Variants in SPATS2 observed in about 807,000 individuals in gnomAD.
SPATS2 encodes the protein spermatogenesis-associated serine-rich protein 2.
In SPATS2, 38 loss-of-function variants were observed where a neutral mutation model predicts 63.7. The observed-to-expected ratio is 0.60, with a 90% CI of 0.46 to 0.78. SPATS2 has a LOEUF of 0.78. SPATS2 is among the 30% of genes least tolerant of loss of function. The pLI is 0.00. For missense variants in SPATS2, 588 were observed against 666.2 expected, an observed-to-expected ratio of 0.88 and a Z score of 1.29; for synonymous variants, 207 against 232.9, an observed-to-expected ratio of 0.89 and a Z score of 1.01.
intron 3 of SPATS2, chr12:49,462,501 C>G: frequency 1.4e-6 from 1 of 697,806 alleles, no homozygotes; most frequent in Admixed American, 2.0e-5. Context: ...CCTTTCCCCC[C>G]GTGTGTGGGG....
intron 7 of SPATS2, among the ~76,000 whole-genome samples, chr12:49,495,721 C>G (rs1946454417): frequency 6.6e-6 from 1 of 152,088 alleles, no homozygotes; most frequent in Admixed American, 6.6e-5. Context: ...CAGAGAAATA[C>G]CTCAGTATTT....
chr12:49,418,320 A>G (rs1372258715), intron 2 of SPATS2, among the ~76,000 whole-genome samples: 1 of 151,286 alleles, frequency 6.6e-6, no homozygotes, highest in Non-Finnish European at 1.5e-5. Context: ...TTTTTTTGAG[A>G]CAGAGTTCTG....
At chr12:49,469,924 T>C (rs999838097) in intron 3 of SPATS2, among the ~76,000 whole-genome samples, 3 of 151,836 alleles carry the variant, frequency 2.0e-5, no homozygotes, top group Admixed American at 6.6e-5. Context: ...AACTCAACAC[T>C]CTCTCCCTGA....
chr12:49,476,522 C>G (rs1294583416), intron 3 of SPATS2, among the ~76,000 whole-genome samples: 2 of 152,208 alleles, frequency 1.3e-5, no homozygotes, highest in Non-Finnish European at 2.9e-5. Flanking sequence ...ACAACACAAG[C>G]TGCCTATGGA....
chr12:49,399,155 CT>C (rs148455902), intron 2 of SPATS2, among the ~76,000 whole-genome samples: 338 of 148,732 alleles, frequency 2.3e-3, no homozygotes, highest in Non-Finnish European at 3.9e-3. Context: ...GCATATAATT[CT>C]TTTTTTTTTC....
intron 2 of SPATS2, among the ~76,000 whole-genome samples, chr12:49,451,261 G>A (rs1285285091): frequency 6.6e-6 from 1 of 151,828 alleles, no homozygotes; most frequent in African/African-American, 2.4e-5. Flanking sequence ...GTTTTTTTAA[G>A]CGTATGATTA....
At chr12:49,424,208 A>G (rs1945032873) in intron 2 of SPATS2, among the ~76,000 whole-genome samples, 2 of 152,032 alleles carry the variant, frequency 1.3e-5, no homozygotes, top group South Asian at 4.2e-4. Context: ...GTCTCAAAAC[A>G]AACAAACAAA....
At chr12:49,445,927 C>G (rs1945502576) in intron 2 of SPATS2, among the ~76,000 whole-genome samples, 2 of 152,034 alleles carry the variant, frequency 1.3e-5, no homozygotes, top group South Asian at 4.1e-4. Flanking sequence ...TTTTTTGAGA[C>G]AGAGTCGCAC....
intron 2 of SPATS2, among the ~76,000 whole-genome samples, chr12:49,435,616 G>A (rs1331243252): frequency 2.7e-5 from 4 of 149,682 alleles, no homozygotes; most frequent in Non-Finnish European, 5.9e-5. Context: ...GTGAGCCACC[G>A]TGCCCGGCTA....
At chr12:49,400,004 C>T (rs1944577869) in intron 2 of SPATS2, among the ~76,000 whole-genome samples, 1 of 152,152 alleles carries the variant, frequency 6.6e-6, no homozygotes, top group African/African-American at 2.4e-5. Flanking sequence ...CCACTGCACT[C>T]CAGCCTGGGC....
At chr12:49,490,661 T>A in intron 5 of SPATS2, 21 bp from the exon 6 acceptor site, 1 of 1,613,324 alleles carries the variant, frequency 6.2e-7, no homozygotes, top group East Asian at 2.2e-5. Flanking sequence ...AGACAAAATC[T>A]GTAATTGGTT....
intron 2 of SPATS2, among the ~76,000 whole-genome samples, chr12:49,421,573 C>G (rs1200483245): frequency 6.6e-6 from 1 of 152,086 alleles, no homozygotes; most frequent in Non-Finnish European, 1.5e-5. Context: ...TAGTTTCCAT[C>G]GAAGATGCCT....
chr12:49,425,124 G>GT (rs1945051110), intron 2 of SPATS2, among the ~76,000 whole-genome samples: 1 of 151,972 alleles, frequency 6.6e-6, no homozygotes, highest in Non-Finnish European at 1.5e-5. Flanking sequence ...TCTATTTACG[G>GT]TTTTTTTAAG....
chr12:49,504,256 C>T (rs1317509198), intron 9 of SPATS2, among the ~76,000 whole-genome samples: 1 of 152,128 alleles, frequency 6.6e-6, no homozygotes, highest in African/African-American at 2.4e-5. Flanking sequence ...CACTTTGATG[C>T]CGAACAAAAA....
rs75140071 is a variant in SPATS2, at chr12:49,408,007, C to T, written c.-244+36717C>T. 3.4e-3 allele frequency among the ~76,000 whole-genome samples: 519 copies of T among 152,172 alleles called. 3 individuals carry two copies. The highest frequency in any genetic ancestry group is 5.2e-3 in the Non-Finnish European group (354 of 68,024). On this transcript the variant is annotated intron_variant, in intron 2 of 13. Transcript: ENST00000552918. Reference sequence around the variant, plus strand: ...AGCACAGTGTTTGACACAAAGCAGACGACTGATTGAATGAAAACAATGTCA... The same window carrying T: ...AGCACAGTGTTTGACACAAAGCAGATGACTGATTGAATGAAAACAATGTCA...
At chr12:49,518,752 A>G (rs1946889938) in intron 10 of SPATS2, among the ~76,000 whole-genome samples, 1 of 152,236 alleles carries the variant, frequency 6.6e-6, no homozygotes. Flanking sequence ...TTTTATACCC[A>G]ACTTACTCTA....
At chr12:49,389,253 G>C (rs1408471251) in intron 2 of SPATS2, among the ~76,000 whole-genome samples, 1 of 152,250 alleles carries the variant, frequency 6.6e-6, no homozygotes, top group South Asian at 2.1e-4. Context: ...AGGAAATCTC[G>C]CAAGGCTGGA....
intron 8 of SPATS2, 108 bp from the exon 9 acceptor site, chr12:49,499,962 A>G: frequency 3.4e-6 from 3 of 884,306 alleles, no homozygotes; most frequent in Non-Finnish European, 4.5e-6. Flanking sequence ...TATTTAGGAA[A>G]GATTCTTAGT....
chr12:49,524,905 G>A lies in SPATS2; in HGVS notation c.1326+9G>A, dbSNP rs1357725372. ...ACCAGCCACTTCGGGAGGTAACCTA[G>A]CTTCTACACTGAGCATGTTAGGAAG... On this transcript the variant is annotated intron_variant, in intron 13 of 13. Coordinates refer to ENST00000552918, the MANE Select transcript of SPATS2 (RefSeq NM_023071.4). 1.2e-6 allele frequency: 2 copies of A among 1,612,138 alleles called. No individual in the cohort carries two copies. The highest frequency in any genetic ancestry group is 1.7e-5 in the Admixed American group (1 of 59,968).
Sources: allele counts gnomAD v4.1 joint callset (sites outside exome capture counted in the v4.1 genomes callset), GRCh38; gene constraint gnomAD v4.1.1; transcripts MANE v1.5; gene names NCBI Gene and HGNC (gene_info 2026-07-23, HGNC 2026-07-21).